Variants in FBXO36 observed in about 807,000 individuals in gnomAD.
FBXO36 encodes the protein F-box only protein 36.
Under a neutral mutation model 17.0 loss-of-function variants are expected in FBXO36, and 18 were observed. The observed-to-expected ratio is 1.06, with a 90% CI of 0.73 to 1.57. FBXO36 has a LOEUF of 1.57. FBXO36 is among the 40% of genes most tolerant of loss of function. The pLI, the probability that FBXO36 is intolerant of heterozygous loss-of-function variation, is 0.00. For synonymous variants in FBXO36, 83 were observed against 85.3 expected (o/e 0.97, Z 0.15); for missense variants, 229 against 221.9 (o/e 1.03, Z -0.20).
At chr2:229,956,841 C>T (rs999472357) in intron 1 of FBXO36, among the ~76,000 whole-genome samples, 1 of 152,160 alleles carries the variant, frequency 6.6e-6, no homozygotes, top group Non-Finnish European at 1.5e-5. Context: ...CGCCAAACCT[C>T]ATGAGGTGGG....
At chr2:229,970,592 C>G (rs2077175486) in intron 1 of FBXO36, among the ~76,000 whole-genome samples, 1 of 152,194 alleles carries the variant, frequency 6.6e-6, no homozygotes, top group East Asian at 1.9e-4. Flanking sequence ...GCTTAAGAGC[C>G]CAGCACCTCA....
chr2:229,939,911 G>A (rs1216465887), intron 1 of FBXO36, among the ~76,000 whole-genome samples: 2 of 152,108 alleles, frequency 1.3e-5, no homozygotes, highest in African/African-American at 4.8e-5. Flanking sequence ...GTGAAACCAC[G>A]TCTCTACAAA....
chr2:229,994,900 G>C (rs2077317017), intron 2 of FBXO36, among the ~76,000 whole-genome samples: 2 of 152,156 alleles, frequency 1.3e-5, no homozygotes, highest in Non-Finnish European at 2.9e-5. Flanking sequence ...TGGATCACCA[G>C]GTCAGGAGTT....
At chr2:229,939,994 T>A (rs980388798) in intron 1 of FBXO36, among the ~76,000 whole-genome samples, 5 of 152,092 alleles carry the variant, frequency 3.3e-5, no homozygotes, top group African/African-American at 7.2e-5. Flanking sequence ...GGTGGGAGGA[T>A]TGCTTAAGCC....
At chr2:229,959,449 A>T (rs1311790258) in intron 1 of FBXO36, among the ~76,000 whole-genome samples, 1 of 152,232 alleles carries the variant, frequency 6.6e-6, no homozygotes, top group Admixed American at 6.5e-5. Flanking sequence ...ATTGTGTCTG[A>T]GGTGTAAACA....
intron 3 of FBXO36, among the ~76,000 whole-genome samples, chr2:230,001,005 C>T (rs955944128): frequency 3.3e-5 from 5 of 151,834 alleles, no homozygotes; most frequent in Non-Finnish European, 7.4e-5. Flanking sequence ...ACTACAGGTG[C>T]TTGCCACCAT....
At chr2:229,932,243 C>T (rs60529874) in intron 1 of FBXO36, among the ~76,000 whole-genome samples, 2 of 151,764 alleles carry the variant, frequency 1.3e-5, no homozygotes, top group African/African-American at 4.8e-5. Context: ...AGCCAGGGCC[C>T]GGCACGGTGG....
intron 2 of FBXO36, among the ~76,000 whole-genome samples, chr2:229,987,813 G>T (rs1465416015): frequency 6.6e-6 from 1 of 151,908 alleles, no homozygotes; most frequent in African/African-American, 2.4e-5. Context: ...TAGAGACAGG[G>T]TCTCACTATG....
chr2:229,998,892 T>G lies in FBXO36; in HGVS notation c.378+1969T>G, dbSNP rs2077342146. 2.0e-5 allele frequency among the ~76,000 whole-genome samples: 3 copies of G among 148,468 alleles called. No individual in the cohort carries two copies. The South Asian group carries it at 6.6e-4, about 33-fold the overall frequency. On this transcript the variant is annotated intron_variant, in intron 3 of 3. Transcript: ENST00000283946. Reference sequence around the variant, plus strand: ...ATCTCGGCTTACTACAAGCTCTGCCTCCCAGGTTCACGCCATTCTCCTGCC... The same window carrying G: ...ATCTCGGCTTACTACAAGCTCTGCCGCCCAGGTTCACGCCATTCTCCTGCC...
chr2:229,922,656 C>A, intron 1 of FBXO36, 47 bp downstream of exon 1: 1 of 1,595,306 alleles, frequency 6.3e-7, no homozygotes, highest in Non-Finnish European at 8.6e-7. Flanking sequence ...CCCTACCTGG[C>A]CCGGTTGGGG....
chr2:229,943,156 C>G (rs1464199232), intron 1 of FBXO36: 3 of 152,312 alleles, frequency 2.0e-5, no homozygotes, highest in Non-Finnish European at 4.4e-5. Context: ...GACAACCTAC[C>G]TACAGATGCA....
chr2:229,941,448 C>CT (rs2076998323), intron 1 of FBXO36, among the ~76,000 whole-genome samples: 1 of 151,798 alleles, frequency 6.6e-6, no homozygotes, highest in African/African-American at 2.4e-5. Context: ...GAGCGAGACT[C>CT]CGTCTCAAAA....
chr2:229,945,556 T>C (rs2077022754), intron 1 of FBXO36, among the ~76,000 whole-genome samples: 1 of 151,342 alleles, frequency 6.6e-6, no homozygotes, highest in South Asian at 2.1e-4. Flanking sequence ...TCCACCCGCC[T>C]TGGCTTCCCA....
intron 2 of FBXO36, 139 bp from the exon 3 acceptor site, chr2:229,996,612 C>G (rs147548147): frequency 1.8e-5 from 16 of 894,230 alleles, no homozygotes; most frequent in Non-Finnish European, 2.5e-5. Context: ...AAAGGCAGCT[C>G]GGTGAAAGTA....
At chr2:229,983,400 A>G (rs1175042669) in intron 2 of FBXO36, among the ~76,000 whole-genome samples, 1 of 151,900 alleles carries the variant, frequency 6.6e-6, no homozygotes, top group Non-Finnish European at 1.5e-5. Context: ...AACAAACAAA[A>G]CAATCCTCCC....
chr2:229,968,843 C>T (rs2077166826), intron 1 of FBXO36, among the ~76,000 whole-genome samples: 1 of 151,830 alleles, frequency 6.6e-6, no homozygotes, highest in Admixed American at 6.6e-5. Context: ...GTGCAATCTC[C>T]ACTGAGTGCA....
At chr2:229,933,159 G>A (rs1469959494) in intron 1 of FBXO36, among the ~76,000 whole-genome samples, 4 of 152,194 alleles carry the variant, frequency 2.6e-5, no homozygotes, top group African/African-American at 7.2e-5. Context: ...TTGGGAGGAC[G>A]AGGCGGGTGG....
At chr2:229,962,715 T>A (rs2077129798) in intron 1 of FBXO36, among the ~76,000 whole-genome samples, 1 of 151,692 alleles carries the variant, frequency 6.6e-6, no homozygotes, top group African/African-American at 2.4e-5. Flanking sequence ...TTTCACTCTG[T>A]TGTCCAGGCT....
chr2:230,012,496 AT>A lies in FBXO36; in HGVS notation c.*1615del, dbSNP rs2077420635. 6.8e-6 allele frequency: 1 copy of A among 147,676 alleles called. No homozygotes were observed. Among genetic ancestry groups the A allele is most frequent in the African/African-American group, 2.4e-5 (1 of 41,104 alleles). 9.1% of individuals were successfully genotyped at this position (147,676 alleles called of 1,614,324 possible). On this transcript the variant is annotated 3_prime_UTR_variant, in exon 4 of 4. Coordinates refer to ENST00000283946, the MANE Select transcript of FBXO36 (RefSeq NM_174899.5). Reference sequence around the variant, plus strand: ...AGGAGCCTGACGTGGTTATGTCTGGATTTAGTCCAAGAACAGAGCAAAGCTT... The same window carrying A: ...AGGAGCCTGACGTGGTTATGTCTGGATTAGTCCAAGAACAGAGCAAAGCTT...
Sources: gnomAD v4.1 joint callset for allele counts (sites outside exome capture counted in the v4.1 genomes callset) on GRCh38, gnomAD v4.1.1 for gene constraint, MANE v1.5 for transcripts, NCBI Gene and HGNC (gene_info 2026-07-23, HGNC 2026-07-21) for gene names.